PRCC: variants seen among roughly 807,000 people sequenced by gnomAD.
PRCC encodes the protein proline-rich protein PRCC.
Under a neutral mutation model 44.0 loss-of-function variants are expected in PRCC, and 10 were observed. The observed-to-expected ratio is 0.23, with a 90% CI of 0.14 to 0.39. The LOEUF (loss-of-function observed/expected upper bound fraction) is 0.39, where lower values mean the gene tolerates loss of function less well. PRCC is among the 10% of genes least tolerant of loss of function. PRCC has a pLI of 1.00. For missense variants in PRCC, 573 were observed against 624.7 expected (o/e 0.92, Z 0.88); for synonymous variants, 278 against 259.5 (o/e 1.07, Z -0.69).
chr1:156,776,412 G>A (rs1651829741), intron 1 of PRCC, among the ~76,000 whole-genome samples: 1 of 151,970 alleles, frequency 6.6e-6, no homozygotes, highest in African/African-American at 2.4e-5. Context: ...ATTGTGAGTA[G>A]CCATAGCAAT....
At chr1:156,795,928 G>C (rs1170290694) in intron 5 of PRCC, 1 of 152,190 alleles carries the variant, frequency 6.6e-6, no homozygotes, top group Non-Finnish European at 1.5e-5. Context: ...GCGAGACCAA[G>C]GTCGAGGATT....
chr1:156,774,098 G>A (rs1424257602), intron 1 of PRCC, among the ~76,000 whole-genome samples: 1 of 151,178 alleles, frequency 6.6e-6, no homozygotes, highest in Non-Finnish European at 1.5e-5. Context: ...GCTGGGGGGA[G>A]GTGGGGATAA....
chr1:156,799,583 C>G (rs1184317501), intron 6 of PRCC, among the ~76,000 whole-genome samples: 1 of 152,122 alleles, frequency 6.6e-6, no homozygotes, highest in Non-Finnish European at 1.5e-5. Flanking sequence ...TTTCACCTTC[C>G]TTTCAGGAAC....
intron 1 of PRCC, among the ~76,000 whole-genome samples, chr1:156,768,585 C>G (rs1261535081): frequency 6.6e-6 from 1 of 152,212 alleles, no homozygotes; most frequent in African/African-American, 2.4e-5. Flanking sequence ...AGGATGAAAT[C>G]TGGCACCTGA....
Position 156,786,967 on chromosome 1 carries a change from T to G in PRCC, c.876T>G (p.Pro292=). 6.2e-7 allele frequency: 1 copy of G among 1,614,176 alleles called. No homozygotes were observed. The highest frequency in any genetic ancestry group is 2.2e-5 in the East Asian group (1 of 44,882). The change falls in exon 3 of 7, where the codon CCT becomes CCG. Residue 292 remains proline, a synonymous_variant. Transcript: ENST00000271526. ...AGCCACCTGGAGTTGAGCCATACCC[T>G]TACCCCATCCCCACTGTCCCTGAAG... The part of the protein sequence containing the change: ...KAEPPGVEPY[P]YPIPTVPEEL...
At position 156,767,794 on chromosome 1, in the gene PRCC, G is replaced by C; in HGVS notation, c.23G>C (p.Ser8Thr). 1 of 1,607,732 alleles carries C rather than the reference G, an allele frequency of 6.2e-7. No individual in the cohort carries two copies. Among genetic ancestry groups the C allele is most frequent in the Non-Finnish European group, 8.5e-7 (1 of 1,178,304 alleles). MSLVAYA[S>T]SDESEPDEAE... Reference sequence around the variant, plus strand: ...GCCATGTCGCTGGTTGCTTACGCCAGCAGCGATGAGAGCGAGCCGGATGAG... The same window carrying C: ...GCCATGTCGCTGGTTGCTTACGCCACCAGCGATGAGAGCGAGCCGGATGAG... Residue 8 changes from serine to threonine, a missense_variant, in exon 1 of 7, where the codon AGC (serine) becomes ACC (threonine). Transcript: ENST00000271526.
chr1:156,778,139 CA>C (rs1346953960), intron 1 of PRCC, among the ~76,000 whole-genome samples: 1 of 151,720 alleles, frequency 6.6e-6, no homozygotes, highest in Non-Finnish European at 1.5e-5. Flanking sequence ...CAATAGATCT[CA>C]AAAAAAACCC....
At position 156,767,899 on chromosome 1, in the gene PRCC, C is replaced by G; in HGVS notation, c.128C>G (p.Pro43Arg). 6.2e-7 allele frequency: 1 copy of G among 1,603,646 alleles called. No individual in the cohort carries two copies. Among genetic ancestry groups the G allele is most frequent in the Non-Finnish European group, 8.5e-7 (1 of 1,175,956 alleles). Residue 43 changes from proline to arginine, a missense_variant, in exon 1 of 7, where the codon CCT (proline) becomes CGT (arginine). By Grantham distance (103) the Pro-to-Arg change is moderately radical. Coordinates refer to ENST00000271526, the MANE Select transcript of PRCC (RefSeq NM_005973.5). ...PALGGLFASL[P>R]APKGPALLPP... ...TTAGGGGGCTTGTTCGCTTCTCTCC[C>G]TGCGCCCAAGGGTCCGGCCTTGCTG...
chr1:156,793,346 G>A (rs2102771490), intron 4 of PRCC, among the ~76,000 whole-genome samples: 1 of 152,272 alleles, frequency 6.6e-6, no homozygotes, highest in African/African-American at 2.4e-5. Context: ...TCAGGACTGG[G>A]TCTCACTGAA....
intron 1 of PRCC, among the ~76,000 whole-genome samples, chr1:156,774,771 G>C (rs1020613682): frequency 6.6e-6 from 1 of 151,970 alleles, no homozygotes; most frequent in Non-Finnish European, 1.5e-5. Context: ...GGCCAAGATG[G>C]TGAAACCCCA....
chr1:156,771,694 T>C (rs1312722985), intron 1 of PRCC, among the ~76,000 whole-genome samples: 1 of 150,626 alleles, frequency 6.6e-6, no homozygotes, highest in Non-Finnish European at 1.5e-5. Context: ...TTTTTTTTTT[T>C]TCTTCTTTTT....
intron 1 of PRCC, among the ~76,000 whole-genome samples, chr1:156,772,489 A>C (rs1558045174): frequency 6.6e-6 from 1 of 152,186 alleles, no homozygotes; most frequent in African/African-American, 2.4e-5. Context: ...GCTGTGACCC[A>C]AGCTACACTG....
In PRCC at chr1:156,769,630, C is replaced by T. The variant is rs190375946; in HGVS notation, c.468+1391C>T. Reference sequence around the variant, plus strand: ...TTTTATTTTTTTTGAGACGGAGTCTCCCTCTGTAGCCCAGGCTGCAGTGCA... The same window carrying T: ...TTTTATTTTTTTTGAGACGGAGTCTTCCTCTGTAGCCCAGGCTGCAGTGCA... On this transcript the variant is annotated intron_variant, in intron 1 of 6. Transcript: ENST00000271526. Among the ~76,000 whole-genome samples, 282 of 151,884 alleles carry T rather than the reference C, an allele frequency of 1.9e-3. 1 individual carries two copies. Among genetic ancestry groups the T allele is most frequent in the African/African-American group, 6.6e-3 (274 of 41,420 alleles).
intron 6 of PRCC, among the ~76,000 whole-genome samples, chr1:156,799,131 C>T (rs1192626950): frequency 2.0e-5 from 3 of 152,086 alleles, no homozygotes; most frequent in Non-Finnish European, 4.4e-5. Flanking sequence ...CAAATGGCAC[C>T]ATGTATGATC....
At chr1:156,795,021 T>TG (rs1232858007) in intron 5 of PRCC, among the ~76,000 whole-genome samples, 2 of 152,130 alleles carry the variant, frequency 1.3e-5, no homozygotes, top group Admixed American at 6.6e-5. Flanking sequence ...TGCAGCTGGA[T>TG]GGGGGGTCTG....
intron 1 of PRCC, among the ~76,000 whole-genome samples, chr1:156,770,534 C>G (rs568708671): frequency 2.0e-5 from 3 of 152,366 alleles, no homozygotes; most frequent in Admixed American, 6.5e-5. Context: ...GCCACCACGC[C>G]CAGCTAATTT....
At chr1:156,792,634 A>G (rs1490407727) in intron 4 of PRCC, among the ~76,000 whole-genome samples, 11 of 151,962 alleles carry the variant, frequency 7.2e-5, no homozygotes, top group Non-Finnish European at 1.6e-4. Context: ...TTGTATTTTT[A>G]GTAGAGACGG....
At chr1:156,798,828 G>GACAGAGCA (rs1652749525) in intron 6 of PRCC, among the ~76,000 whole-genome samples, 1 of 142,172 alleles carries the variant, frequency 7.0e-6, no homozygotes. Flanking sequence ...CAGCCTGGGT[G>GACAGAGCA]AGACTCCATC....
rs780562511 is a variant in PRCC at position 156,767,881 on chromosome 1, G to T, written c.110G>T (p.Gly37Val). 1.8e-5 allele frequency: 29 copies of T among 1,604,608 alleles called. No homozygotes were observed. The highest frequency in any genetic ancestry group is 1.8e-4 in the Middle Eastern group (1 of 5,512). Reference protein sequence around the residue: ...VAPTSGPALGGLFASLPAPKG... With the variant: ...VAPTSGPALGVLFASLPAPKG... Reference sequence around the variant, plus strand: ...CCTACATCTGGGCCCGCTTTAGGGGGCTTGTTCGCTTCTCTCCCTGCGCCC... The same window carrying T: ...CCTACATCTGGGCCCGCTTTAGGGGTCTTGTTCGCTTCTCTCCCTGCGCCC... The change falls in exon 1 of 7, where the codon GGC becomes GTC. Residue 37 changes from glycine to valine, a missense_variant. Coordinates refer to ENST00000271526, the MANE Select transcript of PRCC (RefSeq NM_005973.5).
Sources: gnomAD v4.1 joint callset for allele counts (sites outside exome capture counted in the v4.1 genomes callset) on GRCh38, gnomAD v4.1.1 for gene constraint, MANE v1.5 for transcripts, NCBI Gene and HGNC (gene_info 2026-07-23, HGNC 2026-07-21) for gene names.